Variants in SBF2 observed in about 807,000 individuals in gnomAD.
SBF2 encodes SET binding factor 2.
A neutral mutation model predicts 225.2 loss-of-function variants in SBF2; 112 were observed. That is an observed-to-expected ratio of 0.50 (90% CI 0.43 to 0.58). The LOEUF is 0.58. Among genes scored for constraint, SBF2 ranks in the 20% least tolerant of loss-of-function variants. The probability of loss-of-function intolerance (pLI) is 0.00; values close to 1 mark genes in which losing one functional copy is unlikely to be tolerated. For synonymous variants in SBF2, 763 were observed against 773.3 expected, an observed-to-expected ratio of 0.99 and a Z score of 0.22; for missense variants, 1,996 against 2,206.2, an observed-to-expected ratio of 0.90 and a Z score of 1.91.
chr11:9,990,214 A>C (rs1480535337), intron 12 of SBF2, among the ~76,000 whole-genome samples: 2 of 152,230 alleles, frequency 1.3e-5, no homozygotes, highest in African/African-American at 4.8e-5. Flanking sequence ...GATGACAAAA[A>C]TAAAAAGGTA....
chr11:10,256,811 T>C (rs1960902711), intron 1 of SBF2, among the ~76,000 whole-genome samples: 1 of 152,112 alleles, frequency 6.6e-6, no homozygotes, highest in Non-Finnish European at 1.5e-5. Context: ...TAATAGCATC[T>C]CTCTCATCAA....
At chr11:9,879,541 C>A (rs1023890780) in intron 17 of SBF2, among the ~76,000 whole-genome samples, 4 of 152,030 alleles carry the variant, frequency 2.6e-5, no homozygotes, top group African/African-American at 9.7e-5. Flanking sequence ...AGCTGGAGGA[C>A]CTGGGCTAAG....
chr11:9,822,818 C>T (rs550299629), intron 28 of SBF2, among the ~76,000 whole-genome samples: 6 of 152,078 alleles, frequency 3.9e-5, no homozygotes, highest in Admixed American at 6.6e-5. Context: ...TATACCTGGC[C>T]CAGTGCATGA....
At chr11:9,931,904 A>G (rs1284067086) in intron 16 of SBF2, among the ~76,000 whole-genome samples, 2 of 152,232 alleles carry the variant, frequency 1.3e-5, no homozygotes. Flanking sequence ...ACGAATGGCT[A>G]ACTAGAACAA....
intron 17 of SBF2, among the ~76,000 whole-genome samples, chr11:9,894,794 A>G (rs1158270471): frequency 1.3e-5 from 2 of 152,142 alleles, no homozygotes; most frequent in African/African-American, 4.8e-5. Flanking sequence ...CAGCCTGACC[A>G]ACATGGTGAA....
chr11:10,101,067 T>C (rs887137781), intron 2 of SBF2, among the ~76,000 whole-genome samples: 4 of 152,216 alleles, frequency 2.6e-5, no homozygotes, highest in Non-Finnish European at 5.9e-5. Flanking sequence ...TGTTTGTTTA[T>C]GTGAAGGGAA....
intron 13 of SBF2, among the ~76,000 whole-genome samples, chr11:9,978,252 C>T (rs1232086134): frequency 6.6e-6 from 1 of 152,136 alleles, no homozygotes; most frequent in African/African-American, 2.4e-5. Context: ...AAAGTATTTA[C>T]TTCATGAATG....
At chr11:10,161,709 G>A (rs1042307518) in intron 2 of SBF2, among the ~76,000 whole-genome samples, 6 of 152,140 alleles carry the variant, frequency 3.9e-5, no homozygotes, top group Middle Eastern at 3.4e-3. Flanking sequence ...GAAGAGGGTG[G>A]GCGTGGTGGC....
At chr11:9,906,629 A>G (rs1862142562) in intron 16 of SBF2, among the ~76,000 whole-genome samples, 2 of 152,228 alleles carry the variant, frequency 1.3e-5, no homozygotes, top group Non-Finnish European at 2.9e-5. Context: ...ATTTACAACA[A>G]TAAGTCTACA....
chr11:9,948,198 G>A (rs974972490), intron 16 of SBF2, among the ~76,000 whole-genome samples: 2 of 151,828 alleles, frequency 1.3e-5, no homozygotes, highest in African/African-American at 4.8e-5. Flanking sequence ...TTTATATTAA[G>A]TACTTAGGGT....
chr11:9,951,140 G>A (rs1164403259), intron 16 of SBF2, among the ~76,000 whole-genome samples: 1 of 152,052 alleles, frequency 6.6e-6, no homozygotes, highest in Non-Finnish European at 1.5e-5. Flanking sequence ...GAAAGATTGA[G>A]GGAGCAGGGA....
intron 1 of SBF2, among the ~76,000 whole-genome samples, chr11:10,290,619 AC>A (rs1399617033): frequency 6.6e-6 from 1 of 152,156 alleles, no homozygotes; most frequent in Non-Finnish European, 1.5e-5. Flanking sequence ...GGGAGACTGA[AC>A]AATAAGTAAA....
At chr11:9,833,759 A>G (rs1855559928) in intron 26 of SBF2, among the ~76,000 whole-genome samples, 1 of 136,034 alleles carries the variant, frequency 7.4e-6, no homozygotes, top group African/African-American at 2.7e-5. Flanking sequence ...CTAACATAAA[A>G]TTTATCATGC....
At position 10,094,736 on chromosome 11, in the gene SBF2, T is replaced by A. The variant is rs1280097130; in HGVS notation, c.142-51755A>T. 2.3e-4 allele frequency among the ~76,000 whole-genome samples: 35 copies of A among 151,792 alleles called. 1 individual carries two copies. Among genetic ancestry groups the A allele is most frequent in the Admixed American group, 2.3e-3 (35 of 15,238 alleles). On this transcript the variant is annotated intron_variant, in intron 2 of 39. Coordinates refer to ENST00000256190, the MANE Select transcript of SBF2 (RefSeq NM_030962.4). ...CCAGGCTGGTCTTCAACTCCCGACC[T>A]CAGGTGATCCACCCGCCTCGGCCTC...
chr11:10,298,682 A>G (rs991806017), upstream of SBF2, among the ~76,000 whole-genome samples: 13 of 152,156 alleles, frequency 8.5e-5, no homozygotes, highest in African/African-American at 2.9e-4. Context: ...CCATTGCTAT[A>G]TTTTCAACCA....
chr11:10,231,740 G>C (rs906479312), intron 1 of SBF2, among the ~76,000 whole-genome samples: 2 of 152,176 alleles, frequency 1.3e-5, no homozygotes, highest in Non-Finnish European at 2.9e-5. Context: ...CTCCCAGTTA[G>C]GCTACTCAGG....
At chr11:9,789,377 A>AC in intron 34 of SBF2, 35 bp from the exon 35 acceptor site, 1 of 1,490,066 alleles carries the variant, frequency 6.7e-7, no homozygotes, top group Non-Finnish European at 9.4e-7. Context: ...TTTCATCTTG[A>AC]CCCCAAAGTA....
At chr11:10,000,575 C>T (rs1290454890) in intron 8 of SBF2, among the ~76,000 whole-genome samples, 1 of 152,130 alleles carries the variant, frequency 6.6e-6, no homozygotes, top group Non-Finnish European at 1.5e-5. Context: ...GGTATCAAGA[C>T]ACGTCTCACT....
intron 17 of SBF2, among the ~76,000 whole-genome samples, chr11:9,880,225 G>A (rs1859645700): frequency 1.3e-5 from 2 of 152,080 alleles, no homozygotes; most frequent in South Asian, 4.1e-4. Flanking sequence ...AAAAGCTGGA[G>A]GTTGTGAAGC....
Sources: allele counts gnomAD v4.1 joint callset (sites outside exome capture counted in the v4.1 genomes callset), GRCh38; gene constraint gnomAD v4.1.1; transcripts MANE v1.5; gene names NCBI Gene and HGNC (gene_info 2026-07-23, HGNC 2026-07-21).